Variants in RNF144A observed in about 807,000 individuals in gnomAD.
RNF144A encodes E3 ubiquitin-protein ligase RNF144A.
Under a neutral mutation model 38.7 loss-of-function variants are expected in RNF144A, and 11 were observed. The ratio of observed to expected loss-of-function variants is 0.28; its 90% CI spans 0.18 to 0.47. The LOEUF (loss-of-function observed/expected upper bound fraction) is 0.47. RNF144A is among the 20% of genes least tolerant of loss of function. RNF144A has a pLI of 0.99. For missense variants in RNF144A, 316 were observed against 377.2 expected (o/e 0.84, Z 1.34); for synonymous variants, 149 against 143.9 (o/e 1.04, Z -0.25).
At chr2:7,055,775 T>C (rs1296562727) in intron 6 of RNF144A, among the ~76,000 whole-genome samples, 2 of 152,076 alleles carry the variant, frequency 1.3e-5, no homozygotes, top group East Asian at 3.9e-4. Context: ...AAATCCCAGG[T>C]TTTTTCTTAC....
At chr2:6,937,763 G>A (rs1665683517) in intron 1 of RNF144A, among the ~76,000 whole-genome samples, 1 of 152,184 alleles carries the variant, frequency 6.6e-6, no homozygotes, top group South Asian at 2.1e-4. Context: ...TGGAGGCTGG[G>A]TCAGGGCTCT....
intron 2 of RNF144A, among the ~76,000 whole-genome samples, chr2:6,978,078 T>C (rs924090049): frequency 3.3e-5 from 5 of 152,136 alleles, no homozygotes; most frequent in African/African-American, 1.2e-4. Flanking sequence ...CAACAGGGGC[T>C]AGTAGACCAG....
chr2:7,049,467 G>A (rs1188628833), intron 6 of RNF144A, among the ~76,000 whole-genome samples: 1 of 152,162 alleles, frequency 6.6e-6, no homozygotes, highest in Non-Finnish European at 1.5e-5. Context: ...TTTGTTTGCT[G>A]ATTTCACCTG....
chr2:7,026,633 C>G (rs1403696419), intron 7 of RNF144A, among the ~76,000 whole-genome samples: 3 of 152,084 alleles, frequency 2.0e-5, no homozygotes, highest in Non-Finnish European at 4.4e-5. Context: ...CACCTTGTCA[C>G]AGAGCCCCGT....
At position 6,970,518 on chromosome 2, in the gene RNF144A, G is replaced by A. The variant is rs144919002; in HGVS notation, c.-11-26398G>A. ...GCAGCATGAAAACAGACGAATACAC[G>A]TCCCATCCCCAAGATATCTCATCAG... is the stretch of plus-strand genomic sequence containing the variant. On this transcript the variant is annotated intron_variant, in intron 2 of 8. Transcript: ENST00000320892. Among the ~76,000 whole-genome samples, 10 of 152,198 alleles carry A rather than the reference G, an allele frequency of 6.6e-5. No individual in the cohort carries two copies. In the East Asian group the frequency reaches 1.4e-3, roughly 21 times the overall value.
chr2:6,971,763 A>AT (rs147737133), intron 2 of RNF144A, among the ~76,000 whole-genome samples: 23,109 of 151,820 alleles, frequency 0.15, 1,763 homozygotes, highest in East Asian at 0.2. Flanking sequence ...AGTTCTGACC[A>AT]TTTTGTTTTT....
At chr2:6,987,993 C>T (rs897743358) in intron 2 of RNF144A, among the ~76,000 whole-genome samples, 7 of 152,074 alleles carry the variant, frequency 4.6e-5, no homozygotes, top group South Asian at 4.2e-4. Context: ...CCAAAAACCA[C>T]CAGAAGTTTA....
At chr2:6,970,274 C>T (rs912677217) in intron 2 of RNF144A, among the ~76,000 whole-genome samples, 4 of 152,106 alleles carry the variant, frequency 2.6e-5, no homozygotes, top group Non-Finnish European at 5.9e-5. Flanking sequence ...ATGCTGTTAT[C>T]GTGAAAGTCA....
At chr2:6,950,053 T>C (rs981256125) in intron 2 of RNF144A, among the ~76,000 whole-genome samples, 2 of 152,178 alleles carry the variant, frequency 1.3e-5, no homozygotes, top group African/African-American at 2.4e-5. Flanking sequence ...TTTTAAGCAG[T>C]GCGTTTAAAG....
intron 3 of RNF144A, among the ~76,000 whole-genome samples, chr2:7,002,008 G>A (rs1268497503): frequency 2.6e-5 from 4 of 152,162 alleles, no homozygotes; most frequent in South Asian, 2.1e-4. Context: ...TAAGTAATAC[G>A]ATATTATTTC....
At chr2:6,992,049 G>T (rs528586545) in intron 2 of RNF144A, among the ~76,000 whole-genome samples, 1 of 152,238 alleles carries the variant, frequency 6.6e-6, no homozygotes, top group Non-Finnish European at 1.5e-5. Flanking sequence ...GTTACTATGA[G>T]AGTGTAGGCC....
rs1371220431 is a variant in RNF144A at position 7,040,778 on chromosome 2, C to T, written c.*1018C>T. 11 of 985,308 alleles carry T rather than the reference C, an allele frequency of 1.1e-5. No homozygotes were observed. Among genetic ancestry groups the T allele is most frequent in the African/African-American group, 3.5e-5 (2 of 57,232 alleles). 61.0% of individuals were successfully genotyped at this position (985,308 alleles called of 1,614,324 possible). A position where few individuals can be genotyped will look rare whatever the true frequency, so the allele number is the denominator to read the frequency against. ...GAGGACTCTGGGGGCTAGGGAAGAGCCTGCCAGATTTTCACATTTTTAAAA... is the reference window on the plus strand; with the variant it reads ...GAGGACTCTGGGGGCTAGGGAAGAGTCTGCCAGATTTTCACATTTTTAAAA... On this transcript the variant is annotated 3_prime_UTR_variant, in exon 9 of 9. Coordinates refer to ENST00000320892, the MANE Select transcript of RNF144A (RefSeq NM_014746.6).
At chr2:7,016,379 G>A (rs1045905309) in intron 5 of RNF144A, among the ~76,000 whole-genome samples, 1 of 152,090 alleles carries the variant, frequency 6.6e-6, no homozygotes, top group Non-Finnish European at 1.5e-5. Context: ...ACAGAAACTG[G>A]CTGTTGTTTG....
Position 6,943,631 on chromosome 2 carries a change from G to C in RNF144A, c.-12+2484G>C, listed in dbSNP as rs1385857403. Reference sequence around the variant, plus strand: ...AAACACTTCTTGAGTAGGAGAGAGAGATGGGTTTGTGGAAAAGTGGAGTTA... The same window carrying C: ...AAACACTTCTTGAGTAGGAGAGAGACATGGGTTTGTGGAAAAGTGGAGTTA... On this transcript the variant is annotated intron_variant, in intron 2 of 8. Transcript: ENST00000320892. This position sits in a 1 kb window ranked among gnomAD's most constrained non-coding sequence, Gnocchi z 4.3. Among the ~76,000 whole-genome samples, 2 of 152,188 alleles carry C rather than the reference G, an allele frequency of 1.3e-5. No homozygotes were observed. The highest frequency in any genetic ancestry group is 2.9e-5 in the Non-Finnish European group (2 of 68,040).
chr2:7,048,580 G>A (rs1171400010), downstream of RNF144A, among the ~76,000 whole-genome samples: 1 of 152,174 alleles, frequency 6.6e-6, no homozygotes, highest in Non-Finnish European at 1.5e-5. Context: ...AGTGCTCAGA[G>A]GAGCCTCCCT....
At position 6,963,849 on chromosome 2, in the gene RNF144A, G is replaced by A. The variant is rs545926275; in HGVS notation, c.-12+22702G>A. 1.4e-4 allele frequency among the ~76,000 whole-genome samples: 22 copies of A among 152,270 alleles called. No homozygotes were observed. In the South Asian group the frequency reaches 3.7e-3, roughly 26 times the overall value. On this transcript the variant is annotated intron_variant, in intron 2 of 8. Coordinates refer to ENST00000320892, the MANE Select transcript of RNF144A (RefSeq NM_014746.6). ...AGGCAGCTGCAAACTAGAAGCAGGC[G>A]TGGGACACACTGTATGCCCAGGAGT...
chr2:6,924,256 G>A (rs1394990207), intron 1 of RNF144A, among the ~76,000 whole-genome samples: 1 of 152,232 alleles, frequency 6.6e-6, no homozygotes, highest in Admixed American at 6.5e-5. Flanking sequence ...CCATGTAAGT[G>A]AGATCCAGAG....
chr2:6,956,702 G>C (rs1667023028), intron 2 of RNF144A, among the ~76,000 whole-genome samples: 1 of 152,076 alleles, frequency 6.6e-6, no homozygotes, highest in South Asian at 2.1e-4. Context: ...TGGCATCCGG[G>C]GACGCTGCTC....
chr2:6,996,644 C>T, intron 2 of RNF144A: 1 of 374,642 alleles, frequency 2.7e-6, no homozygotes, highest in Non-Finnish European at 5.0e-6. Flanking sequence ...GTCCTAGCTA[C>T]TCAGGAGGCT....
Sources: allele counts gnomAD v4.1 joint callset (sites outside exome capture counted in the v4.1 genomes callset), GRCh38; gene constraint gnomAD v4.1.1; non-coding constraint Gnocchi (gnomAD v3.1); transcripts MANE v1.5; gene names NCBI Gene and HGNC (gene_info 2026-07-23, HGNC 2026-07-21).